Variants in ZNF804B observed in about 807,000 individuals in gnomAD.
The protein encoded by ZNF804B is zinc finger protein 804B, also known as zinc finger 804B.
In ZNF804B, 80 loss-of-function variants were observed where a neutral mutation model predicts 101.4. The observed-to-expected ratio is 0.79, with a 90% CI of 0.66 to 0.95. The LOEUF is 0.95. Among genes scored for constraint, ZNF804B ranks in the 40% least tolerant of loss-of-function variants. ZNF804B has a pLI of 0.00. For synonymous variants in ZNF804B, 622 were observed against 558.8 expected, an observed-to-expected ratio of 1.11 and a Z score of -1.59; for missense variants, 1,673 against 1,561.9, an observed-to-expected ratio of 1.07 and a Z score of -1.20.
chr7:89,095,338 C>T (rs1198210901), intron 1 of ZNF804B, among the ~76,000 whole-genome samples: 1 of 152,210 alleles, frequency 6.6e-6, no homozygotes, highest in South Asian at 2.1e-4. Flanking sequence ...TGACCTTAGA[C>T]TTCCCAGCCT....
intron 1 of ZNF804B, among the ~76,000 whole-genome samples, chr7:88,822,066 A>G (rs1405759767): frequency 6.6e-6 from 1 of 152,180 alleles, no homozygotes; most frequent in African/African-American, 2.4e-5. Flanking sequence ...TTAAGCTGCA[A>G]CACTGTTTAG....
chr7:89,256,442 G>C (rs532966801), intron 2 of ZNF804B, among the ~76,000 whole-genome samples: 1 of 152,096 alleles, frequency 6.6e-6, no homozygotes, highest in East Asian at 1.9e-4. Context: ...CTACATGGGA[G>C]ACTGGGGTAG....
At chr7:88,844,403 G>T (rs1791338571) in intron 1 of ZNF804B, among the ~76,000 whole-genome samples, 1 of 152,026 alleles carries the variant, frequency 6.6e-6, no homozygotes, top group African/African-American at 2.4e-5. Context: ...TCTTTTTTGT[G>T]ACATTGACTA....
chr7:88,921,931 A>C (rs1792726050), intron 1 of ZNF804B, among the ~76,000 whole-genome samples: 1 of 152,098 alleles, frequency 6.6e-6, no homozygotes, highest in South Asian at 2.1e-4. Flanking sequence ...CTAAAGAAGA[A>C]TTTAAAGTTT....
At chr7:89,293,276 A>G (rs2115902119) in intron 2 of ZNF804B, among the ~76,000 whole-genome samples, 1 of 152,230 alleles carries the variant, frequency 6.6e-6, no homozygotes, top group Non-Finnish European at 1.5e-5. Context: ...TTCTCACCAC[A>G]AAAAAGATGA....
intron 1 of ZNF804B, among the ~76,000 whole-genome samples, chr7:88,885,028 GC>G (rs1390273613): frequency 2.0e-5 from 3 of 151,726 alleles, no homozygotes; most frequent in African/African-American, 7.3e-5. Flanking sequence ...ACTAAATCCT[GC>G]CATCAACCAA....
chr7:88,886,742 G>A lies in ZNF804B; in HGVS notation c.108+126658G>A, dbSNP rs189763648. Among the ~76,000 whole-genome samples the A allele has an allele frequency of 2.1e-3, 312 of 151,340 alleles. 1 individual carries two copies. Among genetic ancestry groups the A allele is most frequent in the African/African-American group, 7.4e-3 (305 of 41,128 alleles). ...AGTAATCTTAAGAAAACTATGAAAA[G>A]TAAAACTTATGAAAAGTAAAAAACT... is the stretch of plus-strand genomic sequence containing the variant. On this transcript the variant is annotated intron_variant, in intron 1 of 3. Coordinates refer to ENST00000333190, the MANE Select transcript of ZNF804B (RefSeq NM_181646.5).
chr7:88,877,026 AAT>A (rs1231449305), intron 1 of ZNF804B, among the ~76,000 whole-genome samples: 3,738 of 41,078 alleles, frequency 0.091, 491 homozygotes, highest in Middle Eastern at 0.22. Flanking sequence ...ATATATATAT[AAT>A]ATATATATAT....
At chr7:89,271,979 A>AT (rs895776983) in intron 2 of ZNF804B, among the ~76,000 whole-genome samples, 1 of 151,988 alleles carries the variant, frequency 6.6e-6, no homozygotes, top group Non-Finnish European at 1.5e-5. Flanking sequence ...GAAGTTAAGG[A>AT]TTTTTTAAAA....
chr7:88,854,007 A>G (rs920305819), intron 1 of ZNF804B, among the ~76,000 whole-genome samples: 2 of 152,206 alleles, frequency 1.3e-5, no homozygotes, highest in African/African-American at 4.8e-5. Context: ...TTTCAAGTAC[A>G]TAGTTAATAA....
intron 1 of ZNF804B, among the ~76,000 whole-genome samples, chr7:88,771,090 A>G (rs1790054405): frequency 6.6e-6 from 1 of 152,142 alleles, no homozygotes; most frequent in African/African-American, 2.4e-5. Context: ...TACTTTACCC[A>G]GATGTTTCCC....
Position 88,774,068 on chromosome 7 carries a change from A to T in ZNF804B, c.108+13984A>T, listed in dbSNP as rs768139986. ...GGGCATCTGAAATGGATGGACTGAG[A>T]TAGTTATCTCTGTTGTCATGGGTCA... On this transcript the variant is annotated intron_variant, in intron 1 of 3. Coordinates refer to ENST00000333190, the MANE Select transcript of ZNF804B (RefSeq NM_181646.5). 2.0e-5 allele frequency among the ~76,000 whole-genome samples: 3 copies of T among 152,110 alleles called. No individual in the cohort carries two copies. The East Asian group carries it at 5.8e-4, about 29-fold the overall frequency.
At chr7:89,069,473 A>G (rs1789502625) in intron 1 of ZNF804B, among the ~76,000 whole-genome samples, 1 of 152,142 alleles carries the variant, frequency 6.6e-6, no homozygotes, top group African/African-American at 2.4e-5. Flanking sequence ...TCATTCAAAT[A>G]CAATCACTAT....
chr7:89,177,302 A>G (rs1791337002), intron 1 of ZNF804B, among the ~76,000 whole-genome samples: 1 of 152,114 alleles, frequency 6.6e-6, no homozygotes, highest in Non-Finnish European at 1.5e-5. Context: ...TCTCACAGGT[A>G]TTGGTGTGTT....
Position 88,790,375 on chromosome 7 carries a change from AG to A in ZNF804B, c.108+30293del, listed in dbSNP as rs369720711. Among the ~76,000 whole-genome samples, 21 of 152,174 alleles carry A rather than the reference AG, an allele frequency of 1.4e-4. No individual in the cohort carries two copies. The East Asian group carries it at 3.9e-3, about 28-fold the overall frequency. On this transcript the variant is annotated intron_variant, in intron 1 of 3. Coordinates refer to ENST00000333190, the MANE Select transcript of ZNF804B (RefSeq NM_181646.5). ...TGCTGCACCTGTCTTCCCATCCCTT[AG>A]GTATCAAGCCCCACGTGCATTAGCT... is the stretch of plus-strand genomic sequence containing the variant.
chr7:88,797,958 GAATA>G (rs1387059789), intron 1 of ZNF804B, among the ~76,000 whole-genome samples: 1 of 152,078 alleles, frequency 6.6e-6, no homozygotes, highest in African/African-American at 2.4e-5. Context: ...CTGAATCTCA[GAATA>G]AATAATAAAA....
rs546765206 is a variant in ZNF804B at position 89,312,247 on chromosome 7, G to A, written c.250-15097G>A. ...CTCAAACTAACATTAAACCAACAGC[G>A]GTGTCTGTAGGCCTGGCTGTATCGC... is the stretch of plus-strand genomic sequence containing the variant. On this transcript the variant is annotated intron_variant, in intron 2 of 3. Coordinates refer to ENST00000333190, the MANE Select transcript of ZNF804B (RefSeq NM_181646.5). Among the ~76,000 whole-genome samples, 11 of 152,208 alleles carry A rather than the reference G, an allele frequency of 7.2e-5. No individual in the cohort carries two copies. The East Asian group carries it at 1.4e-3, about 19-fold the overall frequency.
chr7:88,791,767 T>G (rs1790384734), intron 1 of ZNF804B, among the ~76,000 whole-genome samples: 1 of 152,134 alleles, frequency 6.6e-6, no homozygotes, highest in Non-Finnish European at 1.5e-5. Flanking sequence ...ATATATTATT[T>G]TTCCCATTAC....
intron 1 of ZNF804B, among the ~76,000 whole-genome samples, chr7:88,858,831 G>T (rs74516601): frequency 2.8e-3 from 423 of 152,182 alleles, no homozygotes; most frequent in African/African-American, 9.8e-3. Context: ...AAACACAGCG[G>T]CAACAACTGT....
Sources: gnomAD v4.1 joint callset for allele counts (sites outside exome capture counted in the v4.1 genomes callset) on GRCh38, gnomAD v4.1.1 for gene constraint, MANE v1.5 for transcripts, NCBI Gene and HGNC (gene_info 2026-07-23, HGNC 2026-07-21) for gene names.